The following FARP1 variants were observed in gnomAD, a reference collection of about 807,000 sequenced individuals.
The protein encoded by FARP1 is FERM, ARHGEF and pleckstrin domain-containing protein 1.
In FARP1, 52 loss-of-function variants were observed where a neutral mutation model predicts 128.8. The observed-to-expected ratio is 0.40, with a 90% CI of 0.32 to 0.51. The LOEUF (loss-of-function observed/expected upper bound fraction) is 0.51. FARP1 is among the 20% of genes least tolerant of loss of function. FARP1 has a pLI of 0.45. For missense variants in FARP1, 1,333 were observed against 1,367.9 expected, an observed-to-expected ratio of 0.97 and a Z score of 0.40; for synonymous variants, 580 against 551.8, an observed-to-expected ratio of 1.05 and a Z score of -0.72.
At chr13:98,435,799 G>A (rs1182485100) in intron 19 of FARP1, 93 bp downstream of exon 19, 2 of 1,352,810 alleles carry the variant, frequency 1.5e-6, no homozygotes, top group Non-Finnish European at 2.1e-6. Context: ...AGAGACCCTT[G>A]CAAAGCAAAA....
intron 2 of FARP1, among the ~76,000 whole-genome samples, chr13:98,269,882 G>A (rs1238891252): frequency 6.6e-6 from 1 of 152,146 alleles, no homozygotes. Flanking sequence ...TTGGAAGGCC[G>A]AGGTGGGTGG....
chr13:98,309,971 C>T (rs528602337), intron 2 of FARP1, among the ~76,000 whole-genome samples: 7 of 152,304 alleles, frequency 4.6e-5, no homozygotes, highest in East Asian at 1.9e-4. Context: ...CTCTCTCCGA[C>T]CTCTTCCTCT....
intron 1 of FARP1, among the ~76,000 whole-genome samples, chr13:98,209,954 C>T (rs1177527549): frequency 2.7e-5 from 4 of 150,548 alleles, no homozygotes; most frequent in African/African-American, 9.7e-5. Flanking sequence ...TGCACTCCAG[C>T]CTAGGTAACA....
chr13:98,225,444 C>T (rs1881700386), intron 2 of FARP1, among the ~76,000 whole-genome samples: 1 of 152,204 alleles, frequency 6.6e-6, no homozygotes, highest in South Asian at 2.1e-4. Flanking sequence ...ACGAGGAGAA[C>T]TCTCGCTCCA....
At chr13:98,392,498 C>T (rs2140062511) in intron 11 of FARP1, among the ~76,000 whole-genome samples, 1 of 146,162 alleles carries the variant, frequency 6.8e-6, no homozygotes, top group Middle Eastern at 3.4e-3. Flanking sequence ...GAGATCCTGT[C>T]CCAAAAAAAA....
chr13:98,440,885 C>T (rs780303182), intron 24 of FARP1, 49 bp downstream of exon 24: 1 of 1,530,856 alleles, frequency 6.5e-7, no homozygotes, highest in Non-Finnish European at 8.8e-7. Context: ...CTGGCCCAGG[C>T]AGAACCCAGG....
At chr13:98,424,353 C>G (rs562231996) in intron 16 of FARP1, among the ~76,000 whole-genome samples, 1 of 152,294 alleles carries the variant, frequency 6.6e-6, no homozygotes, top group Admixed American at 6.5e-5. Context: ...AATTGGTTCT[C>G]TCTTGTCTCT....
In FARP1 at chr13:98,418,567, C is replaced by T. The variant is rs115653418; in HGVS notation, c.1827-6005C>T. Among the ~76,000 whole-genome samples the T allele has an allele frequency of 3.5e-3, 529 of 152,336 alleles. 3 individuals are homozygous for T. Among genetic ancestry groups the T allele is most frequent in the African/African-American group, 0.012 (509 of 41,586 alleles). ...GGATTACAGGCGTTGAGCTTCCACG[C>T]CTGGCTAGATTCCATGTTCTTGAGC... On this transcript the variant is annotated intron_variant, in intron 16 of 26. Coordinates refer to ENST00000319562, the MANE Select transcript of FARP1 (RefSeq NM_005766.4).
At chr13:98,401,425 C>CACACACACACACAG (rs946902036) in intron 13 of FARP1, 11 of 151,820 alleles carry the variant, frequency 7.2e-5, no homozygotes, top group African/African-American at 2.7e-4. Flanking sequence ...AACACACACA[C>CACACACACACACAG]ACACACACAC....
intron 2 of FARP1, among the ~76,000 whole-genome samples, chr13:98,281,434 T>G (rs1884932756): frequency 6.6e-6 from 1 of 152,188 alleles, no homozygotes; most frequent in African/African-American, 2.4e-5. Flanking sequence ...TAGTGGCTCT[T>G]GTATGTCTAT....
At chr13:98,319,239 C>A (rs1187846388) in intron 2 of FARP1, among the ~76,000 whole-genome samples, 3 of 152,030 alleles carry the variant, frequency 2.0e-5, no homozygotes, top group Non-Finnish European at 2.9e-5. Context: ...GTTGGGATTA[C>A]AGGTATGAGC....
chr13:98,218,155 A>C (rs1594284416), intron 2 of FARP1, among the ~76,000 whole-genome samples: 3 of 109,776 alleles, frequency 2.7e-5, no homozygotes, highest in African/African-American at 3.7e-5. Flanking sequence ...CCACATCCTC[A>C]CCCCATGCTG....
chr13:98,396,114 G>A (rs1002075436), intron 13 of FARP1: 8 of 399,042 alleles, frequency 2.0e-5, no homozygotes, highest in Admixed American at 1.8e-4. Flanking sequence ...CATTTACCCC[G>A]GAGGCCATGG....
chr13:98,384,554 A>G, intron 6 of FARP1, 176 bp from the exon 7 acceptor site: 1 of 604,850 alleles, frequency 1.7e-6, no homozygotes, highest in Non-Finnish European at 3.0e-6. Context: ...TCACATCACC[A>G]CAATTGATAA....
chr13:98,231,468 C>T (rs1459278215), intron 2 of FARP1, among the ~76,000 whole-genome samples: 2 of 152,100 alleles, frequency 1.3e-5, no homozygotes, highest in Non-Finnish European at 2.9e-5. Flanking sequence ...GACAGAGGCT[C>T]GCTCTACTGC....
At chr13:98,286,783 T>C (rs140232578) in intron 2 of FARP1, among the ~76,000 whole-genome samples, 27 of 152,322 alleles carry the variant, frequency 1.8e-4, no homozygotes, top group Middle Eastern at 3.4e-3. Flanking sequence ...TCCCAGGCAC[T>C]TCTTCTTGTT....
intron 2 of FARP1, among the ~76,000 whole-genome samples, chr13:98,290,812 T>A (rs1346862393): frequency 1.3e-5 from 2 of 152,264 alleles, no homozygotes; most frequent in Non-Finnish European, 2.9e-5. Context: ...AGAGGAGTCA[T>A]GGATGACTCC....
chr13:98,172,225 C>CT (rs1307829876), intron 1 of FARP1, among the ~76,000 whole-genome samples: 1 of 151,400 alleles, frequency 6.6e-6, no homozygotes, highest in East Asian at 2.0e-4. Context: ...GGTGTGGTGA[C>CT]TGATTTCATT....
intron 2 of FARP1, among the ~76,000 whole-genome samples, chr13:98,312,591 C>T (rs183623159): frequency 6.6e-5 from 10 of 152,086 alleles, no homozygotes; most frequent in African/African-American, 1.4e-4. Context: ...TGCTTCCCCC[C>T]CCACCGGAAA....
Sources: allele counts gnomAD v4.1 joint callset (sites outside exome capture counted in the v4.1 genomes callset), GRCh38; gene constraint gnomAD v4.1.1; transcripts MANE v1.5; gene names NCBI Gene and HGNC (gene_info 2026-07-23, HGNC 2026-07-21).